RAB3C: variants seen among roughly 807,000 people sequenced by gnomAD.
The protein encoded by RAB3C is ras-related protein Rab-3C.
In RAB3C, 17 loss-of-function variants were observed where a neutral mutation model predicts 26.4. That is an observed-to-expected ratio of 0.64 (90% CI 0.44 to 0.97). The LOEUF (loss-of-function observed/expected upper bound fraction) is 0.97, where lower values mean the gene tolerates loss of function less well. RAB3C is among the 50% of genes least tolerant of loss of function. RAB3C has a pLI of 0.00. For synonymous variants in RAB3C, 91 were observed against 95.9 expected (o/e 0.95, Z 0.30); for missense variants, 242 against 281.9 (o/e 0.86, Z 1.01).
In RAB3C at chr5:58,682,611, G is replaced by A. The variant is rs543656471; in HGVS notation, c.253-43391G>A. Among the ~76,000 whole-genome samples the A allele has an allele frequency of 2.6e-5, 4 of 152,046 alleles. No homozygotes were observed. The East Asian group carries it at 5.8e-4, about 22-fold the overall frequency. On this transcript the variant is annotated intron_variant, in intron 2 of 4. Transcript: ENST00000282878. ...AGGCGGGAGAATGGCGTGAACCCGGGAGGTGGAGCTTGCAGTGAGCCGGGA... is the reference window on the plus strand; with the variant it reads ...AGGCGGGAGAATGGCGTGAACCCGGAAGGTGGAGCTTGCAGTGAGCCGGGA...
At chr5:58,593,864 T>C (rs1746188440) in intron 1 of RAB3C, among the ~76,000 whole-genome samples, 1 of 152,190 alleles carries the variant, frequency 6.6e-6, no homozygotes, top group African/African-American at 2.4e-5. Flanking sequence ...GGTTCCTTGC[T>C]GTACTCTCCA....
At chr5:58,757,599 C>T (rs1009528865) in intron 3 of RAB3C, among the ~76,000 whole-genome samples, 18 of 152,236 alleles carry the variant, frequency 1.2e-4, no homozygotes, top group African/African-American at 4.3e-4. Flanking sequence ...AAGCACATCA[C>T]GTCCATCTGT....
At position 58,855,111 on chromosome 5, in the gene RAB3C, C is replaced by T. The variant is rs1051789892; in HGVS notation, c.*3760C>T. ...GTTCATTGTGATGTGCTTTATCCAA[C>T]ATGTATCTTAGTGCATGGTTGAGGA... On this transcript the variant is annotated 3_prime_UTR_variant, in exon 5 of 5. Transcript: ENST00000282878. The T allele has an allele frequency of 1.3e-5, 2 of 152,282 alleles. No individual in the cohort carries two copies. Among genetic ancestry groups the T allele is most frequent in the South Asian group, 4.1e-4 (2 of 4,822 alleles). The allele number at this position is 152,282 out of a possible 1,614,324, so 9.4% of individuals were successfully genotyped here.
chr5:58,710,259 A>G (rs1749029129), intron 2 of RAB3C, among the ~76,000 whole-genome samples: 1 of 152,126 alleles, frequency 6.6e-6, no homozygotes, highest in South Asian at 2.1e-4. Context: ...TTATAAAGAG[A>G]AATGTATATC....
intron 4 of RAB3C, among the ~76,000 whole-genome samples, chr5:58,829,448 G>A (rs183706004): frequency 5.5e-4 from 83 of 152,210 alleles, no homozygotes; most frequent in African/African-American, 1.9e-3. Context: ...TATAGAGGAG[G>A]ATGGATTTGT....
At chr5:58,840,564 GATTT>G (rs1743854916) in intron 4 of RAB3C, among the ~76,000 whole-genome samples, 1 of 152,156 alleles carries the variant, frequency 6.6e-6, no homozygotes, top group Non-Finnish European at 1.5e-5. Flanking sequence ...TCCCTACACT[GATTT>G]CTATGCACGT....
At chr5:58,658,053 C>T (rs562833590) in intron 2 of RAB3C, among the ~76,000 whole-genome samples, 25 of 152,232 alleles carry the variant, frequency 1.6e-4, no homozygotes, top group Admixed American at 1.4e-3. Context: ...TCACTGCACA[C>T]TTAAAAATAC....
At chr5:58,721,137 T>G (rs1740743487) in intron 2 of RAB3C, among the ~76,000 whole-genome samples, 1 of 151,748 alleles carries the variant, frequency 6.6e-6, no homozygotes. Flanking sequence ...TAGTTTTTTC[T>G]TGACAGATAT....
chr5:58,735,685 T>G (rs1286913477), intron 3 of RAB3C, among the ~76,000 whole-genome samples: 3 of 152,176 alleles, frequency 2.0e-5, no homozygotes, highest in Non-Finnish European at 4.4e-5. Context: ...TGCATTCTTC[T>G]TTTGTCTTTG....
intron 3 of RAB3C, among the ~76,000 whole-genome samples, chr5:58,819,783 G>C (rs1743297432): frequency 6.6e-6 from 1 of 152,130 alleles, no homozygotes; most frequent in Non-Finnish European, 1.5e-5. Context: ...GGAGGCTGTG[G>C]CGTGAGAATT....
chr5:58,625,504 C>A (rs536979947), intron 2 of RAB3C, among the ~76,000 whole-genome samples: 21 of 152,244 alleles, frequency 1.4e-4, no homozygotes, highest in African/African-American at 4.6e-4. Flanking sequence ...ATCCTCTAGT[C>A]AGCCCAATTC....
Position 58,851,382 on chromosome 5 carries a change from G to C in RAB3C, c.*31G>C, listed in dbSNP as rs762573184. ...CCGTGCACACAGGCAGCTCCAGGGG[G>C]CTCTGGTTGCCAACAAACAGCATTT... On this transcript the variant is annotated 3_prime_UTR_variant, in exon 5 of 5. Coordinates refer to ENST00000282878, the MANE Select transcript of RAB3C (RefSeq NM_138453.4). The C allele has an allele frequency of 6.5e-7, 1 of 1,527,354 alleles. No individual in the cohort carries two copies. Among genetic ancestry groups the C allele is most frequent in the South Asian group, 1.3e-5 (1 of 76,724 alleles). 94.6% of individuals were successfully genotyped at this position (1,527,354 alleles called of 1,614,324 possible).
chr5:58,851,286 G>T lies in RAB3C; in HGVS notation c.619G>T (p.Ala207Ser), dbSNP rs928292637. The T allele has an allele frequency of 1.9e-6, 3 of 1,613,638 alleles. No homozygotes were observed. In the African/African-American group the frequency reaches 4.0e-5, roughly 22 times the overall value. ...TTTGGAGACTGATCCTGCCATCACT[G>T]CTGCAAAGCAGAACACGAGACTCAA... ...ESLETDPAIT[A>S]AKQNTRLKET... Residue 207 changes from alanine to serine, a missense_variant, in exon 5 of 5, where the codon GCT (alanine) becomes TCT (serine). By Grantham distance (99) the Ala-to-Ser change is moderately conservative. Coordinates refer to ENST00000282878, the MANE Select transcript of RAB3C (RefSeq NM_138453.4).
chr5:58,819,118 T>C (rs1390224432), intron 3 of RAB3C, among the ~76,000 whole-genome samples: 1 of 152,228 alleles, frequency 6.6e-6, no homozygotes. Context: ...AGGAGACTAA[T>C]AATGTGTTCT....
intron 4 of RAB3C, among the ~76,000 whole-genome samples, chr5:58,838,903 T>C (rs944415246): frequency 9.9e-5 from 15 of 152,208 alleles, no homozygotes; most frequent in Non-Finnish European, 1.9e-4. Context: ...GCATATATAT[T>C]TATAAGTGTT....
At chr5:58,639,858 G>C (rs996729778) in intron 2 of RAB3C, among the ~76,000 whole-genome samples, 1 of 152,144 alleles carries the variant, frequency 6.6e-6, no homozygotes, top group African/African-American at 2.4e-5. Flanking sequence ...GTGCTTGGAT[G>C]ATATAAAATC....
chr5:58,695,774 G>T (rs4505915), intron 2 of RAB3C, among the ~76,000 whole-genome samples: 3 of 152,246 alleles, frequency 2.0e-5, no homozygotes, highest in African/African-American at 2.4e-5. Flanking sequence ...CATTGATTTT[G>T]TATCCTGAGA....
At chr5:58,654,485 G>A (rs1747723632) in intron 2 of RAB3C, among the ~76,000 whole-genome samples, 1 of 151,970 alleles carries the variant, frequency 6.6e-6, no homozygotes, top group African/African-American at 2.4e-5. Flanking sequence ...ATGTTTTTAA[G>A]TCACAGGAAC....
chr5:58,663,185 CT>C (rs991860229), intron 2 of RAB3C, among the ~76,000 whole-genome samples: 12 of 143,524 alleles, frequency 8.4e-5, no homozygotes, highest in Middle Eastern at 3.5e-3. Flanking sequence ...TCCTTCGCTT[CT>C]TTTTTTTTTC....
Sources: gnomAD v4.1 joint callset for allele counts (sites outside exome capture counted in the v4.1 genomes callset) on GRCh38, gnomAD v4.1.1 for gene constraint, MANE v1.5 for transcripts, NCBI Gene and HGNC (gene_info 2026-07-23, HGNC 2026-07-21) for gene names.